SNRNP200: variants seen among roughly 807,000 people sequenced by gnomAD.
SNRNP200 encodes small nuclear ribonucleoprotein U5 subunit 200.
In SNRNP200, 66 loss-of-function variants were observed where a neutral mutation model predicts 255.2. The observed-to-expected ratio is 0.26, with a 90% CI of 0.21 to 0.32. The LOEUF is 0.32. Ranked by LOEUF, SNRNP200 falls within the 10% of genes least tolerant of loss-of-function variation. The probability of loss-of-function intolerance (pLI) is 1.00; values close to 1 mark genes in which losing one functional copy is unlikely to be tolerated. For missense variants in SNRNP200, 1,585 were observed against 2,749.8 expected (o/e 0.58, Z 9.47); for synonymous variants, 939 against 1,027.8 (o/e 0.91, Z 1.65).
In SNRNP200 at chr2:96,278,465, G is replaced by A. The variant is rs72937668; in HGVS notation, c.5488+82C>T. The A allele has an allele frequency of 6.0e-4, 974 of 1,610,420 alleles. 4 individuals carry two copies. In the African/African-American group the frequency reaches 9.2e-3, roughly 15 times the overall value. On this transcript the variant is annotated intron_variant, in intron 38 of 44. Transcript: ENST00000323853. The surrounding 1 kb of genome is among the most constrained non-coding windows in gnomAD (Gnocchi z 6.9). ...GCAGTGTCATCCCGCTGACAAACAC[G>A]GGCGCACCTCTCATCCCAGTGGGCT...
At position 96,289,943 on chromosome 2, in the gene SNRNP200, G is replaced by A. The variant is rs1326329162; in HGVS notation, c.2796C>T (p.Ser932=). Residue 932 remains serine (S), a synonymous_variant, in exon 21 of 45, where the codon TCC becomes TCT. Coordinates refer to ENST00000323853, the MANE Select transcript of SNRNP200 (RefSeq NM_014014.5). ...CATGAGAGATGCCATAGAGGGTTGGGGATCGCAGCATTCGGATATAGAGGT... is the reference window on the plus strand; with the variant it reads ...CATGAGAGATGCCATAGAGGGTTGGAGATCGCAGCATTCGGATATAGAGGT... The part of the protein sequence containing the change: ...YAYLYIRMLR[S]PTLYGISHDD... The A allele has an allele frequency of 1.2e-6, 2 of 1,613,984 alleles. No homozygotes were observed. The highest frequency in any genetic ancestry group is 3.3e-5 in the Admixed American group (2 of 59,986).
rs2063846944 is a variant in SNRNP200, at chr2:96,286,853, A to G, written c.3664T>C (p.Trp1222Arg). The G allele has an allele frequency of 6.2e-7, 1 of 1,614,104 alleles. No individual in the cohort carries two copies. ...EKVHGSSEAF[W>R]ILVEDVDSEV... Reference sequence around the variant, plus strand: ...CTGTCCACATCCTCCACCAGAATCCAAAAAGCCTCGGATGAACCATGCACC... The same window carrying G: ...CTGTCCACATCCTCCACCAGAATCCGAAAAGCCTCGGATGAACCATGCACC... Residue 1222 changes from tryptophan (W) to arginine (R), a missense_variant, in exon 28 of 45, where the codon TGG becomes CGG. Physicochemically the swap from Trp to Arg is moderately radical, Grantham distance 101. Around this residue, in one of 9 missense-constraint regions of SNRNP200, gnomAD observed 719 missense variants for 1,091.1 expected, o/e 0.66. Transcript: ENST00000323853. This position sits in a 1 kb window ranked among gnomAD's most constrained non-coding sequence, Gnocchi z 4.8.
rs368132966 is a variant in SNRNP200, at chr2:96,301,514, G to T, written c.574+10C>A. The T allele has an allele frequency of 4.5e-5, 73 of 1,613,580 alleles. No homozygotes were observed. The highest frequency in any genetic ancestry group is 5.9e-5 in the Non-Finnish European group (70 of 1,179,630). On this transcript the variant is annotated intron_variant, in intron 4 of 44. Transcript: ENST00000323853. ...AATGAACATGATCAGAACATAAAGC[G>T]CGCACTTACCCATATTTTGGATTTC...
intron 3 of SNRNP200, 97 bp from the exon 4 acceptor site, chr2:96,301,813 T>A: frequency 1.6e-6 from 2 of 1,274,004 alleles, no homozygotes; most frequent in Non-Finnish European, 2.3e-6. Context: ...GAGCCACACC[T>A]CTTCAAAACC....
chr2:96,293,575 G>T, intron 14 of SNRNP200, 66 bp from the exon 15 acceptor site: 1 of 1,481,586 alleles, frequency 6.7e-7, no homozygotes, highest in Non-Finnish European at 9.4e-7. Flanking sequence ...TCCTGGAATT[G>T]TCCCATATTG....
chr2:96,278,037 C>G lies in SNRNP200; in HGVS notation c.5611-87G>C. On this transcript the variant is annotated intron_variant, in intron 39 of 44. Coordinates refer to ENST00000323853, the MANE Select transcript of SNRNP200 (RefSeq NM_014014.5). This position sits in a 1 kb window ranked among gnomAD's most constrained non-coding sequence, Gnocchi z 6.9. ...GCCAAAGCACCACGTGGCCCAGGCT[C>G]ACACAGCCCTTCAACACCCTGAGGC... 1.3e-6 allele frequency: 2 copies of G among 1,588,594 alleles called. No individual in the cohort carries two copies. Among genetic ancestry groups the G allele is most frequent in the Non-Finnish European group, 1.7e-6 (2 of 1,157,866 alleles).
Position 96,305,491 on chromosome 2 carries a change from A to G in SNRNP200, c.-54T>C. ...ACCACGCCTCCCTACCGCAAGCTGC[A>G]AACGGCCGCAGATCTCTGCTCCCGC... On this transcript the variant is annotated 5_prime_UTR_variant, in exon 1 of 45. Transcript: ENST00000323853. 1 of 1,611,554 alleles carries G rather than the reference A, an allele frequency of 6.2e-7. No homozygotes were observed. Among genetic ancestry groups the G allele is most frequent in the Non-Finnish European group, 8.5e-7 (1 of 1,179,028 alleles).
rs1351135684 is a variant in SNRNP200, at chr2:96,303,148, A to T, written c.381+11T>A. On this transcript the variant is annotated intron_variant, in intron 3 of 44. Coordinates refer to ENST00000323853, the MANE Select transcript of SNRNP200 (RefSeq NM_014014.5). ...AAAGACCTAATATATATTTCACAAT[A>T]TCACACTCACCTGGTCCCCAAGAGC... The T allele has an allele frequency of 1.9e-6, 3 of 1,613,746 alleles. No homozygotes were observed. Among genetic ancestry groups the T allele is most frequent in the Non-Finnish European group, 2.5e-6 (3 of 1,179,730 alleles).
rs1005669868 is a variant in SNRNP200 at position 96,274,758 on chromosome 2, T to C, written c.*254A>G. 9.2e-6 allele frequency: 5 copies of C among 542,232 alleles called. No individual in the cohort carries two copies. In the East Asian group the frequency reaches 1.3e-4, roughly 14 times the overall value. The allele number at this position is 542,232 out of a possible 1,614,324, so 33.6% of individuals were successfully genotyped here. On this transcript the variant is annotated 3_prime_UTR_variant, in exon 45 of 45. Transcript: ENST00000323853. ...GTTTCTACAAATTATTTTATTAGAATGTCAGACTCAAAAGAACTACCAGGA... is the reference window on the plus strand; with the variant it reads ...GTTTCTACAAATTATTTTATTAGAACGTCAGACTCAAAAGAACTACCAGGA...
Position 96,286,416 on chromosome 2 carries a change from C to T in SNRNP200, c.3898G>A (p.Glu1300Lys). 1 of 1,614,122 alleles carries T rather than the reference C, an allele frequency of 6.2e-7. No homozygotes were observed. Among genetic ancestry groups the T allele is most frequent in the Non-Finnish European group, 8.5e-7 (1 of 1,180,034 alleles). ...ILPEKYPPPT[E>K]LLDLQPLPVS... ...GGCAAGGGCTGCAGGTCCAAAAGTT[C>T]GGTTGGAGGGGGGTACTTCTCCGGC... Residue 1300 changes from glutamate (E) to lysine (K), a missense_variant, in exon 29 of 45, where the codon GAA (glutamate) becomes AAA (lysine). Glu to Lys is a moderately conservative substitution (Grantham distance 56). This residue lies in a region of SNRNP200 where 719 missense variants were observed against 1,091.1 expected (regional missense o/e 0.66). Transcript: ENST00000323853. This position sits in a 1 kb window ranked among gnomAD's most constrained non-coding sequence, Gnocchi z 4.8.
Position 96,297,661 on chromosome 2 carries a change from G to A in SNRNP200, c.1179C>T (p.Thr393=), listed in dbSNP as rs1467325917. The A allele has an allele frequency of 5.0e-6, 8 of 1,614,094 alleles. No individual in the cohort carries two copies. The highest frequency in any genetic ancestry group is 6.8e-6 in the Non-Finnish European group (8 of 1,180,040). The change falls in exon 10 of 45, where the codon ACC becomes ACT. Residue 393 remains threonine, a synonymous_variant. Transcript: ENST00000323853. ...CCTCTCCACCCTGGTCGAGATCCAT[G>A]GTTTCCAGATCTGTGTCCATTCGAG... ...RQSRMDTDLE[T]MDLDQGGEAL...
In SNRNP200 at chr2:96,290,949, G is replaced by A. The variant is rs1012928212; in HGVS notation, c.2422-134C>T. 7.4e-6 allele frequency: 7 copies of A among 943,080 alleles called. No individual in the cohort carries two copies. The highest frequency in any genetic ancestry group is 1.2e-5 in the Non-Finnish European group (7 of 596,746). 58.4% of individuals were successfully genotyped at this position (943,080 alleles called of 1,614,324 possible). Reference sequence around the variant, plus strand: ...TAGGGCGCGTGGGGTCCCAGTACTTGTCAATGTGACACCAGAATAAAGAGG... The same window carrying A: ...TAGGGCGCGTGGGGTCCCAGTACTTATCAATGTGACACCAGAATAAAGAGG... On this transcript the variant is annotated intron_variant, in intron 18 of 44. Coordinates refer to ENST00000323853, the MANE Select transcript of SNRNP200 (RefSeq NM_014014.5). The surrounding 1 kb of genome is among the most constrained non-coding windows in gnomAD (Gnocchi z 4.5).
chr2:96,286,765 A>T lies in SNRNP200; in HGVS notation c.3752T>A (p.Leu1251His). The part of the protein sequence containing the change: ...LKAKYAQDEH[L>H]ITFFVPVFEP... ...AAAGACAGGCACGAAGAATGTAATG[A>T]GGTGCTCGTCCTGGGCGTACTTGGC... The change falls in exon 28 of 45, where the codon CTC (leucine) becomes CAC (histidine). Residue 1251 changes from leucine (L) to histidine (H), a missense_variant. Coordinates refer to ENST00000323853, the MANE Select transcript of SNRNP200 (RefSeq NM_014014.5). The surrounding 1 kb of genome is among the most constrained non-coding windows in gnomAD (Gnocchi z 4.8). 1 of 1,614,194 alleles carries T rather than the reference A, an allele frequency of 6.2e-7. No homozygotes were observed. Among genetic ancestry groups the T allele is most frequent in the Non-Finnish European group, 8.5e-7 (1 of 1,180,034 alleles).
In SNRNP200 at chr2:96,287,082, A is replaced by C. The variant is rs1171371868; in HGVS notation, c.3563T>G (p.Val1188Gly). Residue 1188 changes from valine to glycine, a missense_variant, in exon 27 of 45, where the codon GTG (valine) becomes GGG (glycine). By Grantham distance (109) the Val-to-Gly change is moderately radical. Coordinates refer to ENST00000323853, the MANE Select transcript of SNRNP200 (RefSeq NM_014014.5). This position sits in a 1 kb window ranked among gnomAD's most constrained non-coding sequence, Gnocchi z 5.7. Reference sequence around the variant, plus strand: ...GGAGCGTGTGATAGGCTGCAGGTGCACTGACAACTCCAACTTGGGAAACAG... The same window carrying C: ...GGAGCGTGTGATAGGCTGCAGGTGCCCTGACAACTCCAACTTGGGAAACAG... The part of the protein sequence containing the change: ...VHLFPKLELS[V>G]HLQPITRSTL... 4 of 1,614,022 alleles carry C rather than the reference A, an allele frequency of 2.5e-6. No individual in the cohort carries two copies. The highest frequency in any genetic ancestry group is 1.3e-5 in the African/African-American group (1 of 74,950).
intron 13 of SNRNP200, 49 bp downstream of exon 13, chr2:96,296,487 T>C: frequency 3.7e-6 from 6 of 1,603,092 alleles, no homozygotes; most frequent in Non-Finnish European, 5.1e-6. Flanking sequence ...TCCACAACAC[T>C]TTCATAGGTG....
rs778208062 is a variant in SNRNP200, at chr2:96,287,526, G to A, written c.3397C>T (p.Arg1133Trp). 4.3e-6 allele frequency: 7 copies of A among 1,614,112 alleles called. No individual in the cohort carries two copies. Among genetic ancestry groups the A allele is most frequent in the Admixed American group, 3.3e-5 (2 of 60,028 alleles). The change falls in exon 26 of 45, where the codon CGG becomes TGG. Residue 1133 changes from arginine (R) to tryptophan (W), a missense_variant. Physicochemically the swap from Arg to Trp is moderately radical, Grantham distance 101. Coordinates refer to ENST00000323853, the MANE Select transcript of SNRNP200 (RefSeq NM_014014.5). The surrounding 1 kb of genome is among the most constrained non-coding windows in gnomAD (Gnocchi z 5.7). ...TTCACTACTTCCTCAGGGAGTTTCC[G>A]GAACTGGCGCAGAGGACACATGGAC... ...WQSMCPLRQF[R>W]KLPEEVVKKI...
chr2:96,282,333 T>C (rs1005932209), intron 34 of SNRNP200: 3 of 223,898 alleles, frequency 1.3e-5, no homozygotes, highest in African/African-American at 6.7e-5. Context: ...AGGAAGTGAT[T>C]CTGGCAGAAG....
At chr2:96,296,011 T>C (rs576223056) in intron 13 of SNRNP200, among the ~76,000 whole-genome samples, 28 of 152,208 alleles carry the variant, frequency 1.8e-4, no homozygotes, top group African/African-American at 5.1e-4. Context: ...TACATGTCTA[T>C]AATCACAGCT....
At chr2:96,296,816 C>G (rs2063919918) in intron 12 of SNRNP200, 117 bp downstream of exon 12, 1 of 1,548,712 alleles carries the variant, frequency 6.5e-7, no homozygotes, top group Non-Finnish European at 8.9e-7. Context: ...TACTATTTAA[C>G]CTCTCTTCCA....
Sources: gnomAD v4.1 joint callset for allele counts (sites outside exome capture counted in the v4.1 genomes callset) on GRCh38, gnomAD v4.1.1 for gene constraint, gnomAD v4.1.1 regional missense constraint, Gnocchi (gnomAD v3.1) non-coding constraint, MANE v1.5 for transcripts, NCBI Gene and HGNC (gene_info 2026-07-23, HGNC 2026-07-21) for gene names.